Variants in CHSY1 observed in about 807,000 individuals in gnomAD.
The protein encoded by CHSY1 is N-acetylgalactosaminyl-proteoglycan 3-beta-glucuronosyltransferase 1.
A neutral mutation model predicts 59.8 loss-of-function variants in CHSY1; 13 were observed. The ratio of observed to expected loss-of-function variants is 0.22; its 90% CI spans 0.14 to 0.35. CHSY1 has a LOEUF of 0.35. Ranked by LOEUF, CHSY1 falls within the 10% of genes least tolerant of loss-of-function variation. The pLI is 1.00. For missense variants in CHSY1, 947 were observed against 1,030.6 expected (o/e 0.92, Z 1.11); for synonymous variants, 459 against 401.2 (o/e 1.14, Z -1.72).
intron 2 of CHSY1, among the ~76,000 whole-genome samples, chr15:101,214,928 A>C (rs559676748): frequency 1.9e-4 from 29 of 152,060 alleles, no homozygotes; most frequent in African/African-American, 7.0e-4. Flanking sequence ...AAGGTTTAGC[A>C]CCTCCCCTTG....
chr15:101,182,740 C>G (rs975292106), intron 2 of CHSY1, among the ~76,000 whole-genome samples: 1 of 152,150 alleles, frequency 6.6e-6, no homozygotes, highest in Non-Finnish European at 1.5e-5. Flanking sequence ...AGTCTGCCAA[C>G]AAAAACATCA....
intron 2 of CHSY1, among the ~76,000 whole-genome samples, chr15:101,212,531 T>A (rs112618213): frequency 9.9e-5 from 15 of 152,250 alleles, no homozygotes; most frequent in Non-Finnish European, 1.8e-4. Flanking sequence ...TCCACACGTA[T>A]GATTCCATTT....
rs375024101 is a variant in CHSY1 at position 101,177,503 on chromosome 15, C to G, written c.2294G>C (p.Gly765Ala). 9.3e-6 allele frequency: 15 copies of G among 1,613,166 alleles called. No individual in the cohort carries two copies. The highest frequency in any genetic ancestry group is 1.3e-5 in the African/African-American group (1 of 74,888). ...GGACCCATAGGTCGATGCTTTGGAC[C>G]CCAAGCACATTTTGTACTGTTTGGG... ...LDPKQYKMCL[G>A]SKASTYGSTQ... The change falls in exon 3 of 3, where the codon GGG becomes GCG. Residue 765 changes from glycine to alanine, a missense_variant. Physicochemically the swap from Gly to Ala is moderately conservative, Grantham distance 60. Coordinates refer to ENST00000254190, the MANE Select transcript of CHSY1 (RefSeq NM_014918.5).
intron 2 of CHSY1, among the ~76,000 whole-genome samples, chr15:101,180,438 G>A (rs1177606519): frequency 6.6e-6 from 1 of 152,194 alleles, no homozygotes; most frequent in East Asian, 1.9e-4. Context: ...CCACACTGTG[G>A]CACACTTTTC....
At chr15:101,245,706 T>C (rs930836068) in intron 1 of CHSY1, among the ~76,000 whole-genome samples, 13 of 152,308 alleles carry the variant, frequency 8.5e-5, no homozygotes, top group African/African-American at 3.1e-4. Flanking sequence ...TGGAAATCCC[T>C]GGAATATTGT....
chr15:101,243,140 A>T (rs1253511973), intron 1 of CHSY1, among the ~76,000 whole-genome samples: 1 of 152,178 alleles, frequency 6.6e-6, no homozygotes, highest in Non-Finnish European at 1.5e-5. Context: ...CCAAGGTATT[A>T]AGAGCTACGA....
At chr15:101,199,456 T>C (rs139217994) in intron 2 of CHSY1, among the ~76,000 whole-genome samples, 29 of 152,312 alleles carry the variant, frequency 1.9e-4, no homozygotes, top group African/African-American at 6.5e-4. Flanking sequence ...TGAGCCGAGA[T>C]TGTGCTACTG....
chr15:101,215,502 A>C, intron 2 of CHSY1, among the ~76,000 whole-genome samples: 1 of 152,274 alleles, frequency 6.6e-6, no homozygotes, highest in East Asian at 1.9e-4. Context: ...GAGGAGGCCA[A>C]TGTGGGTGGA....
intron 2 of CHSY1, among the ~76,000 whole-genome samples, chr15:101,193,518 G>C (rs2038471396): frequency 6.6e-6 from 1 of 152,228 alleles, no homozygotes; most frequent in South Asian, 2.1e-4. Flanking sequence ...CCACCAGCCT[G>C]ACCAGCTGCC....
intron 2 of CHSY1, chr15:101,188,040 G>T (rs1451625040): frequency 1.0e-6 from 1 of 985,310 alleles, no homozygotes; most frequent in Non-Finnish European, 1.2e-6. Context: ...GCTGCAAGGA[G>T]AGCCAACATT....
intron 2 of CHSY1, among the ~76,000 whole-genome samples, chr15:101,200,293 G>A (rs762301799): frequency 6.6e-6 from 1 of 152,030 alleles, no homozygotes; most frequent in Non-Finnish European, 1.5e-5. Flanking sequence ...GCCATCTATC[G>A]ACAAAATTAT....
chr15:101,186,147 C>CA (rs35398576), intron 2 of CHSY1, among the ~76,000 whole-genome samples: 6,962 of 79,300 alleles, frequency 0.088, 319 homozygotes, highest in African/African-American at 0.11. Flanking sequence ...TTGTCTCTAC[C>CA]AAAAAAAAAA....
intron 2 of CHSY1, among the ~76,000 whole-genome samples, chr15:101,181,699 A>G (rs2038280437): frequency 6.6e-6 from 1 of 152,226 alleles, no homozygotes; most frequent in African/African-American, 2.4e-5. Context: ...CTTAGAACAC[A>G]CATTGGAGAC....
At chr15:101,183,622 G>C (rs1242010496) in intron 2 of CHSY1, among the ~76,000 whole-genome samples, 1 of 152,194 alleles carries the variant, frequency 6.6e-6, no homozygotes, top group African/African-American at 2.4e-5. Flanking sequence ...CTGTAAAGAA[G>C]ATGACAGGAT....
At chr15:101,201,270 G>C (rs1446558902) in intron 2 of CHSY1, among the ~76,000 whole-genome samples, 3 of 152,172 alleles carry the variant, frequency 2.0e-5, no homozygotes, top group Non-Finnish European at 2.9e-5. Context: ...ACTACATAAA[G>C]AAAATAATGA....
At chr15:101,188,355 T>TC (rs1329742621) in intron 2 of CHSY1, 6 of 188,998 alleles carry the variant, frequency 3.2e-5, no homozygotes, top group Non-Finnish European at 5.9e-5. Context: ...TAACTTACTG[T>TC]CCCAAGCAGG....
Position 101,178,190 on chromosome 15 carries a change from AT to A in CHSY1, c.1606del (p.Ile536TyrfsTer2). 6.2e-7 allele frequency: 1 copy of A among 1,614,204 alleles called. No individual in the cohort carries two copies. The highest frequency in any genetic ancestry group is 8.5e-7 in the Non-Finnish European group (1 of 1,180,036). ...HKEPKDKKIN[I>X]LIPLSGRFDM... The stretch of plus-strand genomic sequence containing the variant: ...GAAACGCCCAGACAAAGGAATCAGT[AT>A]GTTTATCTTTTTATCTTTGGGTTCT... On this transcript the variant is annotated frameshift_variant, in exon 3 of 3. Coordinates refer to ENST00000254190, the MANE Select transcript of CHSY1 (RefSeq NM_014918.5). LOFTEE classifies it high-confidence loss of function.
At chr15:101,204,964 G>C (rs1470212391) in intron 2 of CHSY1, among the ~76,000 whole-genome samples, 1 of 152,034 alleles carries the variant, frequency 6.6e-6, no homozygotes, top group Non-Finnish European at 1.5e-5. Context: ...ACTTGGCGAA[G>C]ATCATAGTAA....
At chr15:101,243,679 C>G (rs1459009333) in intron 1 of CHSY1, among the ~76,000 whole-genome samples, 1 of 152,236 alleles carries the variant, frequency 6.6e-6, no homozygotes, top group Non-Finnish European at 1.5e-5. Flanking sequence ...CAACCACTTT[C>G]AGACCCACTC....
Sources: gnomAD v4.1 joint callset for allele counts (sites outside exome capture counted in the v4.1 genomes callset) on GRCh38, gnomAD v4.1.1 for gene constraint, MANE v1.5 for transcripts, NCBI Gene and HGNC (gene_info 2026-07-23, HGNC 2026-07-21) for gene names.